The following SANBR variants were observed in gnomAD, a reference collection of about 807,000 sequenced individuals.
SANBR encodes SANT and BTB domain regulator of class switch recombination.
Under a neutral mutation model 101.8 loss-of-function variants are expected in SANBR, and 77 were observed. The observed-to-expected ratio is 0.76, with a 90% CI of 0.63 to 0.91. The LOEUF is 0.91. SANBR is among the 40% of genes least tolerant of loss of function. The pLI is 0.00. For missense variants in SANBR, 875 were observed against 853.0 expected (o/e 1.03, Z -0.32); for synonymous variants, 279 against 274.7 (o/e 1.02, Z -0.15).
At chr2:61,071,542 T>TC in intron 3 of SANBR, 64 bp from the exon 4 acceptor site, 2 of 1,084,630 alleles carry the variant, frequency 1.8e-6, no homozygotes, top group Non-Finnish European at 1.3e-6. Context: ...AATGTGAGAC[T>TC]CCGTCTCAAA....
intron 21 of SANBR, 152 bp downstream of exon 21, chr2:61,121,428 G>C (rs1465225026): frequency 2.1e-6 from 1 of 486,530 alleles, no homozygotes; most frequent in South Asian, 2.9e-5. Context: ...ATTAGAAACA[G>C]ATTTTAACTT....
At chr2:61,110,401 C>G (rs1225445066) in intron 16 of SANBR, among the ~76,000 whole-genome samples, 3 of 149,740 alleles carry the variant, frequency 2.0e-5, no homozygotes, top group Non-Finnish European at 3.0e-5. Flanking sequence ...AAAATTAGGC[C>G]GGGCACGATG....
chr2:61,124,785 A>T (rs1447796217), downstream of SANBR, among the ~76,000 whole-genome samples: 1 of 152,148 alleles, frequency 6.6e-6, no homozygotes, highest in Non-Finnish European at 1.5e-5. Flanking sequence ...ATATTTCAGA[A>T]AAGATGATCT....
intron 20 of SANBR, 44 bp downstream of exon 20, chr2:61,118,160 C>A: frequency 1.6e-6 from 2 of 1,253,362 alleles, no homozygotes; most frequent in Non-Finnish European, 2.3e-6. Flanking sequence ...TAAAATATGC[C>A]TTCCTACTTT....
intron 12 of SANBR, among the ~76,000 whole-genome samples, chr2:61,101,946 C>T (rs552057103): frequency 4.0e-5 from 6 of 149,434 alleles, no homozygotes; most frequent in East Asian, 2.0e-4. Context: ...GCAGGAGAAT[C>T]GCTTGAATCC....
chr2:61,087,863 TAAAAATA>T (rs999346599), intron 8 of SANBR, among the ~76,000 whole-genome samples: 1 of 150,350 alleles, frequency 6.7e-6, no homozygotes, highest in Non-Finnish European at 1.5e-5. Context: ...AAAAAAAAAG[TAAAAATA>T]AAAAATAAAA....
At chr2:61,068,028 C>G (rs1039516208) in intron 1 of SANBR, among the ~76,000 whole-genome samples, 8 of 152,252 alleles carry the variant, frequency 5.3e-5, no homozygotes, top group Middle Eastern at 3.4e-3. Context: ...GTTTTGTGAC[C>G]TTCTCGTTAA....
chr2:61,071,659 C>G lies in SANBR; in HGVS notation c.204C>G (p.Asn68Lys), dbSNP rs1422187566. Residue 68 changes from asparagine (N) to lysine (K), a missense_variant, in exon 4 of 22, where the codon AAC becomes AAG. Asn to Lys is a moderately conservative substitution (Grantham distance 94, BLOSUM62 0). Transcript: ENST00000402291. ...GCAGTGGAAGCTCGCCTGTTGACAA[C>G]CAGTATAATTCCCTAATGGCTGCTG... ...LKSSGSSPVD[N>K]QYNSLMAAGE... 3.8e-6 allele frequency: 6 copies of G among 1,590,132 alleles called. No homozygotes were observed. The highest frequency in any genetic ancestry group is 5.1e-6 in the Non-Finnish European group (6 of 1,172,102).
downstream of SANBR, among the ~76,000 whole-genome samples, chr2:61,127,730 T>C (rs539723655): frequency 1.3e-5 from 2 of 151,606 alleles, no homozygotes; most frequent in Admixed American, 1.3e-4. Flanking sequence ...CTCAGAAAAA[T>C]ATGAGACATC....
chr2:61,114,493 C>A (rs1478660396), intron 16 of SANBR, among the ~76,000 whole-genome samples: 3 of 152,138 alleles, frequency 2.0e-5, no homozygotes, highest in African/African-American at 7.2e-5. Flanking sequence ...AGGCTGCCTT[C>A]AGCCATAACT....
chr2:61,136,552 C>T (rs1684855044), intron 21 of SANBR, among the ~76,000 whole-genome samples: 1 of 151,508 alleles, frequency 6.6e-6, no homozygotes, highest in Admixed American at 6.6e-5. Flanking sequence ...TCACTTGAAC[C>T]CGGGAGGCAG....
chr2:61,070,306 G>T, intron 2 of SANBR, 36 bp from the exon 3 acceptor site: 1 of 1,481,206 alleles, frequency 6.8e-7, no homozygotes, highest in Non-Finnish European at 9.0e-7. Flanking sequence ...TTGGATTTCG[G>T]GTTTAAATAA....
chr2:61,097,790 A>G lies in SANBR; in HGVS notation c.1303A>G (p.Thr435Ala). 3 of 1,613,510 alleles carry G rather than the reference A, an allele frequency of 1.9e-6. No homozygotes were observed. Among genetic ancestry groups the G allele is most frequent in the Non-Finnish European group, 2.5e-6 (3 of 1,179,614 alleles). The stretch of plus-strand genomic sequence containing the variant: ...AGCAAGTTCATTGAATACTGTTGGC[A>G]CTGGAATTTATCCCTGCTGTAACCA... ...TAASSLNTVG[T>A]GIYPCCNQKV... Residue 435 changes from threonine to alanine, a missense_variant, in exon 12 of 22, where the codon ACT becomes GCT. Transcript: ENST00000402291.
chr2:61,071,021 C>G (rs1681437089), intron 3 of SANBR, among the ~76,000 whole-genome samples: 1 of 151,756 alleles, frequency 6.6e-6, no homozygotes, highest in Admixed American at 6.6e-5. Context: ...CATACCCAGC[C>G]TGGTCTTCCT....
intron 11 of SANBR, chr2:61,094,106 T>C: frequency 2.0e-6 from 2 of 979,646 alleles, no homozygotes; most frequent in Non-Finnish European, 2.4e-6. Flanking sequence ...TCCCACTCAA[T>C]GGGTTCTGTG....
downstream of SANBR, among the ~76,000 whole-genome samples, chr2:61,126,082 C>G (rs1462339572): frequency 6.6e-6 from 1 of 152,140 alleles, no homozygotes; most frequent in Non-Finnish European, 1.5e-5. Context: ...TAGGTATCTC[C>G]AACTTAATTA....
At chr2:61,102,420 C>CA (rs1245162723) in intron 12 of SANBR, among the ~76,000 whole-genome samples, 2 of 136,542 alleles carry the variant, frequency 1.5e-5, no homozygotes, top group Admixed American at 7.3e-5. Flanking sequence ...GCACTTCAGA[C>CA]AAAAAAACAG....
At chr2:61,096,092 T>C (rs1001296731) in intron 11 of SANBR, among the ~76,000 whole-genome samples, 20 of 152,188 alleles carry the variant, frequency 1.3e-4, no homozygotes, top group South Asian at 8.3e-4. Context: ...TACCTCCCAC[T>C]GGCTAATGGA....
chr2:61,123,710 G>T lies in SANBR; in HGVS notation c.*1548G>T. 1.0e-6 allele frequency: 1 copy of T among 985,020 alleles called. No homozygotes were observed. The highest frequency in any genetic ancestry group is 1.2e-6 in the Non-Finnish European group (1 of 829,472). 61.0% of individuals were successfully genotyped at this position (985,020 alleles called of 1,614,324 possible). A position where few individuals can be genotyped will look rare whatever the true frequency, so the allele number is the denominator to read the frequency against. Reference sequence around the variant, plus strand: ...ATGCTCTTTTGATTTTTAACTGATGGTAAAAAGGCAAACTGCTTCTCCCCT... The same window carrying T: ...ATGCTCTTTTGATTTTTAACTGATGTTAAAAAGGCAAACTGCTTCTCCCCT... On this transcript the variant is annotated 3_prime_UTR_variant, in exon 22 of 22. Transcript: ENST00000402291.
Sources: allele counts gnomAD v4.1 joint callset (sites outside exome capture counted in the v4.1 genomes callset), GRCh38; gene constraint gnomAD v4.1.1; transcripts MANE v1.5; gene names NCBI Gene and HGNC (gene_info 2026-07-23, HGNC 2026-07-21).